HCN1: variants seen among roughly 807,000 people sequenced by gnomAD.
The protein encoded by HCN1 is hyperpolarization activated cyclic nucleotide gated potassium channel 1.
In HCN1, 13 loss-of-function variants were observed where a neutral mutation model predicts 78.9. The ratio of observed to expected loss-of-function variants is 0.16; its 90% CI spans 0.11 to 0.26. The LOEUF is 0.26. HCN1 is among the 10% of genes least tolerant of loss of function. HCN1 has a pLI of 1.00. For missense variants in HCN1, 810 were observed against 1,154.3 expected (o/e 0.70, Z 4.32); for synonymous variants, 552 against 455.5 (o/e 1.21, Z -2.70).
Position 45,317,520 on chromosome 5 carries a change from T to A in HCN1, c.1378-13681A>T, listed in dbSNP as rs1486440629. Among the ~76,000 whole-genome samples the A allele has an allele frequency of 2.6e-5, 4 of 152,200 alleles. No homozygotes were observed. In the East Asian group the frequency reaches 7.7e-4, roughly 29 times the overall value. ...TAGGAATGGGCAAGGACTTCATGACTAAAACACCAAAAGCAATGGCAACAA... is the reference window on the plus strand; with the variant it reads ...TAGGAATGGGCAAGGACTTCATGACAAAAACACCAAAAGCAATGGCAACAA... On this transcript the variant is annotated intron_variant, in intron 5 of 7. Coordinates refer to ENST00000303230, the MANE Select transcript of HCN1 (RefSeq NM_021072.4).
intron 2 of HCN1, among the ~76,000 whole-genome samples, chr5:45,496,161 G>T (rs969514662): frequency 6.6e-6 from 1 of 152,114 alleles, no homozygotes; most frequent in African/African-American, 2.4e-5. Flanking sequence ...GATTGGAATA[G>T]TTTCAGAAGG....
intron 1 of HCN1, 46 bp downstream of exon 1, chr5:45,695,623 A>T (rs751374753): frequency 1.9e-6 from 3 of 1,570,328 alleles, no homozygotes; most frequent in East Asian, 4.6e-5. Flanking sequence ...AGCGCGTTTC[A>T]GGGCGCGCCT....
At chr5:45,648,906 T>C (rs1194467382) in intron 1 of HCN1, among the ~76,000 whole-genome samples, 1 of 151,830 alleles carries the variant, frequency 6.6e-6, no homozygotes, top group African/African-American at 2.4e-5. Flanking sequence ...TAACAATCAA[T>C]TTGCTAGGTC....
intron 4 of HCN1, among the ~76,000 whole-genome samples, chr5:45,378,985 T>A (rs1579856744): frequency 6.6e-6 from 1 of 152,098 alleles, no homozygotes; most frequent in African/African-American, 2.4e-5. Flanking sequence ...TATTCCATGG[T>A]GTATATGTGC....
intron 2 of HCN1, among the ~76,000 whole-genome samples, chr5:45,601,053 A>G (rs1231392849): frequency 1.3e-5 from 2 of 151,962 alleles, no homozygotes; most frequent in East Asian, 3.9e-4. Context: ...TTTTTTTCCT[A>G]TTTATGTTTT....
chr5:45,570,074 C>T (rs1743793847), intron 2 of HCN1, among the ~76,000 whole-genome samples: 1 of 151,996 alleles, frequency 6.6e-6, no homozygotes, highest in African/African-American at 2.4e-5. Context: ...TGTTAGTGTA[C>T]ACTGAAGAAT....
chr5:45,595,180 C>T (rs943038170), intron 2 of HCN1, among the ~76,000 whole-genome samples: 3 of 152,090 alleles, frequency 2.0e-5, no homozygotes, highest in African/African-American at 7.2e-5. Flanking sequence ...AGCCTGAAGC[C>T]CTCTAACATC....
At chr5:45,311,888 T>C (rs1301565125) in intron 5 of HCN1, among the ~76,000 whole-genome samples, 2 of 152,210 alleles carry the variant, frequency 1.3e-5, no homozygotes, top group Non-Finnish European at 2.9e-5. Flanking sequence ...AATTTCTAGC[T>C]GTGGGCTAAA....
At chr5:45,276,488 C>T (rs1187549664) in intron 6 of HCN1, among the ~76,000 whole-genome samples, 1 of 151,968 alleles carries the variant, frequency 6.6e-6, no homozygotes, top group Non-Finnish European at 1.5e-5. Flanking sequence ...ATATAGCTGT[C>T]AGATTTATAA....
In HCN1 at chr5:45,477,007, A is replaced by G. The variant is rs143774013; in HGVS notation, c.850-15000T>C. On this transcript the variant is annotated intron_variant, in intron 2 of 7. Transcript: ENST00000303230. Reference sequence around the variant, plus strand: ...TTGTGCTCCATATTATTCCCAAGATACATTTATATCACCCCAAGGCATACG... The same window carrying G: ...TTGTGCTCCATATTATTCCCAAGATGCATTTATATCACCCCAAGGCATACG... 1.2e-4 allele frequency among the ~76,000 whole-genome samples: 18 copies of G among 152,314 alleles called. 1 individual carries two copies. The East Asian group carries it at 3.3e-3, about 28-fold the overall frequency.
intron 2 of HCN1, among the ~76,000 whole-genome samples, chr5:45,610,520 A>G (rs1744812130): frequency 2.0e-5 from 3 of 149,962 alleles, no homozygotes; most frequent in South Asian, 4.2e-4. Context: ...AGAATATCAT[A>G]TATAATCTCT....
intron 2 of HCN1, among the ~76,000 whole-genome samples, chr5:45,533,007 G>A (rs1159818831): frequency 1.3e-5 from 2 of 152,154 alleles, no homozygotes; most frequent in Non-Finnish European, 2.9e-5. Context: ...TAGAGAACAT[G>A]TCACTGACAG....
At position 45,262,653 on chromosome 5, in the gene HCN1, C is replaced by A. The variant is rs924255101; in HGVS notation, c.1941G>T (p.Leu647=). ...GGGTCGTAGTAGACGATGTGGAATT[C>A]AGGGTTGTCATTTGAGGATAATTGA... The part of the protein sequence containing the change: ...APINYPQMTT[L]NSTSSTTTPT... Residue 647 remains leucine, a synonymous_variant, in exon 8 of 8, where the codon CTG becomes CTT. Transcript: ENST00000303230. 1 of 1,614,066 alleles carries A rather than the reference C, an allele frequency of 6.2e-7. No homozygotes were observed. The highest frequency in any genetic ancestry group is 8.5e-7 in the Non-Finnish European group (1 of 1,180,018).
intron 5 of HCN1, among the ~76,000 whole-genome samples, chr5:45,314,542 G>A (rs187002538): frequency 6.6e-6 from 1 of 152,104 alleles, no homozygotes; most frequent in Non-Finnish European, 1.5e-5. Context: ...TGGGCTAAAT[G>A]CTCCAATTAA....
At chr5:45,628,794 A>C (rs752528581) in intron 2 of HCN1, among the ~76,000 whole-genome samples, 1 of 151,960 alleles carries the variant, frequency 6.6e-6, no homozygotes, top group Non-Finnish European at 1.5e-5. Flanking sequence ...CAACATGGTG[A>C]AACCCTGTCT....
Position 45,668,389 on chromosome 5 carries a change from ATC to A in HCN1, c.426-22783_426-22782del, listed in dbSNP as rs199833479. Among the ~76,000 whole-genome samples the A allele has an allele frequency of 5.7e-3, 871 of 151,548 alleles. 9 individuals are homozygous for A. The highest frequency in any genetic ancestry group is 0.016 in the African/African-American group (674 of 41,350). On this transcript the variant is annotated intron_variant, in intron 1 of 7. Transcript: ENST00000303230. ...TAAAAGTGTAGCACCTCCTCCCTCA[ATC>A]TCTCTCTCCTGCCACCACATAAGAA... is the stretch of plus-strand genomic sequence containing the variant.
At chr5:45,373,299 T>C (rs1579849957) in intron 4 of HCN1, among the ~76,000 whole-genome samples, 1 of 114,260 alleles carries the variant, frequency 8.8e-6, no homozygotes, top group East Asian at 2.3e-4. Flanking sequence ...TTATATATAT[T>C]TTATATACTA....
At chr5:45,498,330 T>C (rs1742096372) in intron 2 of HCN1, among the ~76,000 whole-genome samples, 2 of 152,226 alleles carry the variant, frequency 1.3e-5, no homozygotes, top group African/African-American at 4.8e-5. Flanking sequence ...CTTCATTTCA[T>C]TCATTTCATG....
intron 4 of HCN1, among the ~76,000 whole-genome samples, chr5:45,381,415 A>G (rs568130954): frequency 6.6e-6 from 1 of 152,108 alleles, no homozygotes; most frequent in Admixed American, 6.6e-5. Flanking sequence ...TAAATTACAA[A>G]CTACAAAGCA....
Sources: allele counts gnomAD v4.1 joint callset (sites outside exome capture counted in the v4.1 genomes callset), GRCh38; gene constraint gnomAD v4.1.1; transcripts MANE v1.5; gene names NCBI Gene and HGNC (gene_info 2026-07-23, HGNC 2026-07-21).